WDR26: variants seen among roughly 807,000 people sequenced by gnomAD.
WDR26 encodes WD repeat-containing protein 26.
In WDR26, 5 loss-of-function variants were observed where a neutral mutation model predicts 84.1. The observed-to-expected ratio is 0.06, with a 90% CI of 0.03 to 0.13. WDR26 has a LOEUF of 0.13. WDR26 is among the 10% of genes least tolerant of loss of function. WDR26 has a pLI of 1.00. For synonymous variants in WDR26, 415 were observed against 389.6 expected (o/e 1.07, Z -0.77); for missense variants, 642 against 974.9 (o/e 0.66, Z 4.55).
rs906012630 is a variant in WDR26, at chr1:224,398,761, G to A, written c.1865+128C>T. On this transcript the variant is annotated intron_variant, in intron 10 of 13. Coordinates refer to ENST00000414423, the MANE Select transcript of WDR26 (RefSeq NM_001379403.1). ...TGAGTTACTGATTACTAAGTACCAT[G>A]TGACCTTCAATCCAAATTACCACGC... 7 of 1,284,854 alleles carry A rather than the reference G, an allele frequency of 5.4e-6. No homozygotes were observed. In the African/African-American group the frequency reaches 1.0e-4, roughly 19 times the overall value. The allele number at this position is 1,284,854 out of a possible 1,614,324, so 79.6% of individuals were successfully genotyped here. A position where few individuals can be genotyped will look rare whatever the true frequency, so the allele number is the denominator to read the frequency against.
intron 12 of WDR26, 34 bp from the exon 13 acceptor site, chr1:224,394,047 A>G: frequency 1.4e-6 from 2 of 1,396,624 alleles, no homozygotes; most frequent in Non-Finnish European, 1.9e-6. Flanking sequence ...AAAGTTTTAC[A>G]TTAATAAAAC....
chr1:224,401,146 T>G (rs1673401768), intron 8 of WDR26, 77 bp from the exon 9 acceptor site: 1 of 1,405,678 alleles, frequency 7.1e-7, no homozygotes, highest in Admixed American at 2.2e-5. Flanking sequence ...AAAAAATAAC[T>G]GGGATGTCTG....
rs749915520 is a variant in WDR26, at chr1:224,394,033, G to C, written c.2075-20C>G. 1 of 1,411,326 alleles carries C rather than the reference G, an allele frequency of 7.1e-7. No homozygotes were observed. Among genetic ancestry groups the C allele is most frequent in the African/African-American group, 1.4e-5 (1 of 69,998 alleles). The allele number at this position is 1,411,326 out of a possible 1,614,324, so 87.4% of individuals were successfully genotyped here. A position where few individuals can be genotyped will look rare whatever the true frequency, so the allele number is the denominator to read the frequency against. On this transcript the variant is annotated intron_variant, in intron 12 of 13. Coordinates refer to ENST00000414423, the MANE Select transcript of WDR26 (RefSeq NM_001379403.1). ...TGTGATCTGAACATATAGTAATTCAGAAAAAAGTTTTACATTAATAAAACC... is the reference window on the plus strand; with the variant it reads ...TGTGATCTGAACATATAGTAATTCACAAAAAAGTTTTACATTAATAAAACC...
intron 3 of WDR26, chr1:224,429,459 T>C (rs1433822614): frequency 2.0e-5 from 3 of 152,188 alleles, no homozygotes; most frequent in Non-Finnish European, 4.4e-5. Flanking sequence ...TCTTCTAAGA[T>C]ATTATTACAA....
chr1:224,414,240 G>A (rs1020502073), intron 6 of WDR26, among the ~76,000 whole-genome samples: 1 of 151,736 alleles, frequency 6.6e-6, no homozygotes, highest in African/African-American at 2.4e-5. Flanking sequence ...CCAGCAGCTG[G>A]GATTACAGGC....
chr1:224,407,151 A>AAAAAATATATATATATATATATATAT, intron 7 of WDR26, among the ~76,000 whole-genome samples: 2 of 11,870 alleles, frequency 1.7e-4, no homozygotes, highest in Non-Finnish European at 2.8e-4. Flanking sequence ...AAAAAAAAAA[A>AAAAAATATATATATATATATATATAT]ATATATATAT....
intron 13 of WDR26, among the ~76,000 whole-genome samples, chr1:224,391,226 C>T (rs10916610): frequency 0.57 from 86,168 of 151,390 alleles, 28,330 homozygotes; most frequent in East Asian, 0.97. Context: ...ATTAGCCGGG[C>T]GTGGTGATGC....
intron 8 of WDR26, 116 bp from the exon 9 acceptor site, chr1:224,401,185 G>A (rs1572168595): frequency 3.0e-6 from 3 of 1,000,504 alleles, no homozygotes; most frequent in Non-Finnish European, 1.4e-6. Context: ...TCTAAGTAGA[G>A]TAATGAATTA....
rs1489716069 is a variant in WDR26, at chr1:224,388,724, C to A, written c.*1111G>T. ...AAGTATGTCTGTAACCTGCTGAATT[C>A]TTCTAATAATTTCAATTATACTATA... On this transcript the variant is annotated 3_prime_UTR_variant, in exon 14 of 14. Transcript: ENST00000414423. The A allele has an allele frequency of 1.3e-5, 2 of 152,516 alleles. No homozygotes were observed. Among genetic ancestry groups the A allele is most frequent in the East Asian group, 3.8e-4 (2 of 5,198 alleles). 9.4% of individuals were successfully genotyped at this position (152,516 alleles called of 1,614,324 possible).
chr1:224,389,794 A>G lies in WDR26; in HGVS notation c.*41T>C, dbSNP rs1455276887. On this transcript the variant is annotated 3_prime_UTR_variant, in exon 14 of 14. Coordinates refer to ENST00000414423, the MANE Select transcript of WDR26 (RefSeq NM_001379403.1). ...AATCCCAAGCCATTAAAATACGACT[A>G]ATTTTAAGTTAAACAGAAGTCGTCT... 6.4e-7 allele frequency: 1 copy of G among 1,571,746 alleles called. No homozygotes were observed. Among genetic ancestry groups the G allele is most frequent in the African/African-American group, 1.4e-5 (1 of 72,892 alleles).
intron 7 of WDR26, among the ~76,000 whole-genome samples, chr1:224,405,723 A>G (rs1673530808): frequency 6.6e-6 from 1 of 152,232 alleles, no homozygotes; most frequent in Non-Finnish European, 1.5e-5. Context: ...CCTCACTTAA[A>G]AGCCCATATT....
At chr1:224,405,732 T>C (rs1405104521) in intron 7 of WDR26, among the ~76,000 whole-genome samples, 2 of 152,220 alleles carry the variant, frequency 1.3e-5, no homozygotes, top group Non-Finnish European at 2.9e-5. Context: ...AAAGCCCATA[T>C]TGTATGCTAT....
chr1:224,403,462 C>G (rs1334733576), intron 8 of WDR26, among the ~76,000 whole-genome samples: 1 of 152,166 alleles, frequency 6.6e-6, no homozygotes, highest in East Asian at 1.9e-4. Context: ...TTTGACTTTT[C>G]TTAATATTTG....
intron 6 of WDR26, among the ~76,000 whole-genome samples, 157 bp downstream of exon 6, chr1:224,418,103 T>C (rs1466256420): frequency 6.6e-6 from 1 of 152,214 alleles, no homozygotes; most frequent in South Asian, 2.1e-4. Context: ...CAGAAATTTC[T>C]CATAATTTTC....
At chr1:224,393,771 T>G in intron 13 of WDR26, 57 bp downstream of exon 13, 2 of 1,379,796 alleles carry the variant, frequency 1.4e-6, no homozygotes, top group Middle Eastern at 2.3e-4. Context: ...AAGTTCATAA[T>G]AAGCCGAGTG....
At chr1:224,425,935 A>G (rs1674197959) in intron 3 of WDR26, among the ~76,000 whole-genome samples, 1 of 151,862 alleles carries the variant, frequency 6.6e-6, no homozygotes, top group Non-Finnish European at 1.5e-5. Context: ...TTGGCTTACT[A>G]CAACCTCTGC....
intron 13 of WDR26, among the ~76,000 whole-genome samples, chr1:224,391,800 G>A (rs535219041): frequency 6.6e-6 from 1 of 152,230 alleles, no homozygotes; most frequent in East Asian, 1.9e-4. Context: ...TGGGGGTGGA[G>A]GGGGAATACT....
chr1:224,398,829 CACTACACATTTGAATATAAATCAGGTA>C (rs1403781412), intron 10 of WDR26, 33 bp downstream of exon 10: 1 of 1,593,994 alleles, frequency 6.3e-7, no homozygotes, highest in Non-Finnish European at 8.6e-7. Flanking sequence ...AGGCAAGTTC[CACTACACATTTGAATATAAATCAGGTA>C]ATTGTTGTTT....
At chr1:224,424,757 T>C in intron 3 of WDR26, 103 bp from the exon 4 acceptor site, 1 of 1,447,974 alleles carries the variant, frequency 6.9e-7, no homozygotes. Flanking sequence ...CTATGCCCTT[T>C]GAAATAACTT....
Sources: gnomAD v4.1 joint callset for allele counts (sites outside exome capture counted in the v4.1 genomes callset) on GRCh38, gnomAD v4.1.1 for gene constraint, MANE v1.5 for transcripts, NCBI Gene and HGNC (gene_info 2026-07-23, HGNC 2026-07-21) for gene names.